KAZN: variants seen among roughly 807,000 people sequenced by gnomAD.
KAZN encodes the protein kazrin.
Under a neutral mutation model 87.4 loss-of-function variants are expected in KAZN, and 40 were observed. The observed-to-expected ratio is 0.46, with a 90% confidence interval of 0.36 to 0.60. The LOEUF (loss-of-function observed/expected upper bound fraction) is 0.60. Ranked by LOEUF, KAZN falls within the 20% of genes least tolerant of loss-of-function variation. The pLI is 0.00. For missense variants in KAZN, 898 were observed against 1,073.9 expected, an observed-to-expected ratio of 0.84 and a Z score of 2.29; for synonymous variants, 466 against 458.3, an observed-to-expected ratio of 1.02 and a Z score of -0.22.
chr1:14,336,273 T>C (rs1657263956), intron 2 of KAZN, among the ~76,000 whole-genome samples: 1 of 152,244 alleles, frequency 6.6e-6, no homozygotes, highest in Non-Finnish European at 1.5e-5. Flanking sequence ...TCAAGGTGCA[T>C]TCATGTTGCA....
chr1:14,102,755 C>A (rs11590117), intron 1 of KAZN, among the ~76,000 whole-genome samples: 40,529 of 151,838 alleles, frequency 0.27, 5,718 homozygotes, highest in East Asian at 0.55. Context: ...ACTAGACAAC[C>A]CACCATGCAT....
At chr1:14,474,194 G>C (rs74340138) in intron 2 of KAZN, among the ~76,000 whole-genome samples, 1 of 152,032 alleles carries the variant, frequency 6.6e-6, no homozygotes, top group Non-Finnish European at 1.5e-5. Flanking sequence ...TTTGCTGAAG[G>C]CTCCTATTTT....
At chr1:14,078,748 G>A (rs1371927904) in intron 1 of KAZN, among the ~76,000 whole-genome samples, 1 of 152,080 alleles carries the variant, frequency 6.6e-6, no homozygotes, top group Non-Finnish European at 1.5e-5. Flanking sequence ...GCAGTGGTGC[G>A]ATCTCAGCTC....
intron 2 of KAZN, among the ~76,000 whole-genome samples, chr1:15,032,858 A>G (rs1343552767): frequency 6.6e-6 from 1 of 152,034 alleles, no homozygotes; most frequent in Non-Finnish European, 1.5e-5. Flanking sequence ...CTGAGGCAGG[A>G]GAATCACTCG....
intron 2 of KAZN, among the ~76,000 whole-genome samples, chr1:14,503,487 A>C (rs1262620696): frequency 6.7e-6 from 1 of 150,134 alleles, no homozygotes; most frequent in Non-Finnish European, 1.5e-5. Context: ...CTGTCTCAAA[A>C]AAAAAGATTC....
At chr1:14,942,403 G>A (rs1331272315) in intron 1 of KAZN, among the ~76,000 whole-genome samples, 2 of 152,224 alleles carry the variant, frequency 1.3e-5, no homozygotes, top group South Asian at 2.1e-4. Context: ...AGTAGGGCAG[G>A]AGAAGGCTGA....
intron 1 of KAZN, among the ~76,000 whole-genome samples, chr1:14,028,978 G>T (rs1294026755): frequency 6.6e-6 from 1 of 151,966 alleles, no homozygotes; most frequent in Non-Finnish European, 1.5e-5. Flanking sequence ...TAGTCCTTTG[G>T]GTATATACCC....
intron 2 of KAZN, among the ~76,000 whole-genome samples, chr1:14,227,429 C>T (rs1647391595): frequency 6.6e-6 from 1 of 152,180 alleles, no homozygotes; most frequent in Non-Finnish European, 1.5e-5. Flanking sequence ...GATGTCTCTG[C>T]TTCACTCACT....
chr1:14,133,186 G>GTC (rs1645027198), intron 1 of KAZN, among the ~76,000 whole-genome samples: 1 of 151,936 alleles, frequency 6.6e-6, no homozygotes, highest in Non-Finnish European at 1.5e-5. Flanking sequence ...GGCCAACATG[G>GTC]TGAAACCCCA....
At position 14,598,768 on chromosome 1, in the gene KAZN, C is replaced by G; in HGVS notation, c.-230C>G. The G allele has an allele frequency of 1.5e-6, 2 of 1,347,460 alleles. No individual in the cohort carries two copies. The highest frequency in any genetic ancestry group is 3.1e-5 in the East Asian group (1 of 31,846). The allele number at this position is 1,347,460 out of a possible 1,614,324, so 83.5% of individuals were successfully genotyped here. A position where few individuals can be genotyped will look rare whatever the true frequency, so the allele number is the denominator to read the frequency against. ...TCCTCCTTCTCCTCCTCTTTTTTCT[C>G]CTCCGCCTCCTCCCCCCGCCGCCTC... On this transcript the variant is annotated 5_prime_UTR_variant, in exon 1 of 15. Coordinates refer to ENST00000376030, the MANE Select transcript of KAZN (RefSeq NM_201628.3). This position sits in a 1 kb window ranked among gnomAD's most constrained non-coding sequence, Gnocchi z 4.2.
At chr1:15,065,795 T>A (rs7416987) in intron 8 of KAZN, 42 bp downstream of exon 8, 4 of 1,606,434 alleles carry the variant, frequency 2.5e-6, no homozygotes, top group Non-Finnish European at 3.4e-6. Flanking sequence ...CGCGGACTGG[T>A]GATACGCGCT....
At chr1:14,305,762 G>A (rs998727463) in intron 2 of KAZN, among the ~76,000 whole-genome samples, 10 of 151,962 alleles carry the variant, frequency 6.6e-5, no homozygotes, top group Non-Finnish European at 1.2e-4. Context: ...CAGGCCTCAG[G>A]TCTGTTTTTA....
chr1:14,377,391 G>A (rs752506197), intron 2 of KAZN, among the ~76,000 whole-genome samples: 4 of 152,186 alleles, frequency 2.6e-5, no homozygotes, highest in Admixed American at 6.5e-5. Flanking sequence ...TTATGAGAGC[G>A]ATTGGTCTCA....
chr1:14,459,163 G>T (rs1047637531), intron 2 of KAZN, among the ~76,000 whole-genome samples: 4 of 152,058 alleles, frequency 2.6e-5, no homozygotes, highest in Admixed American at 6.5e-5. Flanking sequence ...CACTAGGAGG[G>T]TATCTTCATA....
chr1:14,040,485 G>A (rs570114963), intron 1 of KAZN, among the ~76,000 whole-genome samples: 2 of 152,292 alleles, frequency 1.3e-5, no homozygotes, highest in Admixed American at 1.3e-4. Context: ...TGCTAGGCTG[G>A]GCACGGTGGC....
chr1:14,116,612 T>A (rs1364479029), intron 1 of KAZN, among the ~76,000 whole-genome samples: 1 of 152,190 alleles, frequency 6.6e-6, no homozygotes, highest in Non-Finnish European at 1.5e-5. Context: ...AGAAGGGAAA[T>A]GTGGGGTCAG....
At chr1:14,974,065 G>A (rs1394391235) in intron 2 of KAZN, among the ~76,000 whole-genome samples, 1 of 152,022 alleles carries the variant, frequency 6.6e-6, no homozygotes, top group African/African-American at 2.4e-5. Context: ...ATGGCAGGAT[G>A]GCTGGGCTAA....
intron 2 of KAZN, among the ~76,000 whole-genome samples, chr1:14,527,535 T>G (rs1671945354): frequency 2.3e-5 from 3 of 133,236 alleles, no homozygotes; most frequent in Non-Finnish European, 3.1e-5. Context: ...GGCAACAGAG[T>G]GAGACTCTGT....
chr1:14,805,508 C>T lies in KAZN; in HGVS notation c.227-155176C>T, dbSNP rs535167278. On this transcript the variant is annotated intron_variant, in intron 1 of 14. Transcript: ENST00000376030. ...GTGCGGTGTCTCACACCTATATTCC[C>T]AGCACTTTGGGAGGCCAAGGCGGGC... Among the ~76,000 whole-genome samples the T allele has an allele frequency of 8.0e-4, 122 of 152,256 alleles. 3 individuals carry two copies. The highest frequency in any genetic ancestry group is 3.5e-3 in the Admixed American group (54 of 15,290).
Sources: gnomAD v4.1 joint callset for allele counts (sites outside exome capture counted in the v4.1 genomes callset) on GRCh38, gnomAD v4.1.1 for gene constraint, Gnocchi (gnomAD v3.1) non-coding constraint, MANE v1.5 for transcripts, NCBI Gene and HGNC (gene_info 2026-07-23, HGNC 2026-07-21) for gene names.